Variants in VWA3A observed in about 807,000 individuals in gnomAD.
The protein encoded by VWA3A is von Willebrand factor A domain containing 3A, also known as von Willebrand factor A domain-containing protein 3A.
Under a neutral mutation model 160.4 loss-of-function variants are expected in VWA3A, and 134 were observed. The observed-to-expected ratio is 0.84, with a 90% CI of 0.73 to 0.96. The LOEUF (loss-of-function observed/expected upper bound fraction) is 0.96. Among genes scored for constraint, VWA3A ranks in the 40% least tolerant of loss-of-function variants. The pLI is 0.00. For missense variants in VWA3A, 1,310 were observed against 1,447.9 expected, an observed-to-expected ratio of 0.90 and a Z score of 1.55; for synonymous variants, 476 against 543.4, an observed-to-expected ratio of 0.88 and a Z score of 1.72.
At chr16:22,112,737 T>TAA (rs142281845) in intron 8 of VWA3A, among the ~76,000 whole-genome samples, 8,262 of 148,488 alleles carry the variant, frequency 0.056, 700 homozygotes, top group East Asian at 0.41. Flanking sequence ...AGTAAAAAGT[T>TAA]AAAAAAAAAA....
At position 22,148,184 on chromosome 16, in the gene VWA3A, C is replaced by G; in HGVS notation, c.2862C>G (p.Thr954=). ...LLSGSRRLFG[T]VLESKVCILL... ...CAGGGAGCCGCCGACTGTTTGGCAC[C>G]GTTTTGGAGAGCAAAGTATGCATAT... Residue 954 remains threonine (T), a synonymous_variant, in exon 28 of 34, where the codon ACC becomes ACG. Transcript: ENST00000389398. 1 of 1,603,188 alleles carries G rather than the reference C, an allele frequency of 6.2e-7. No homozygotes were observed. The highest frequency in any genetic ancestry group is 8.5e-7 in the Non-Finnish European group (1 of 1,175,114).
At chr16:22,121,903 G>A (rs141650040) in intron 14 of VWA3A, among the ~76,000 whole-genome samples, 13 of 152,172 alleles carry the variant, frequency 8.5e-5, no homozygotes, top group East Asian at 1.9e-4. Flanking sequence ...TTATGTCCTC[G>A]CTGTACCTAA....
At chr16:22,114,946 C>T (rs990382689) in intron 8 of VWA3A, among the ~76,000 whole-genome samples, 6 of 152,084 alleles carry the variant, frequency 3.9e-5, no homozygotes, top group Admixed American at 6.6e-5. Flanking sequence ...GCTGGGATTA[C>T]AGGCATGTAC....
intron 12 of VWA3A, 52 bp downstream of exon 12, chr16:22,119,079 G>A: frequency 1.3e-6 from 2 of 1,544,368 alleles, no homozygotes; most frequent in Non-Finnish European, 1.7e-6. Flanking sequence ...GCACTCAGCT[G>A]GCCTCGTTCC....
At chr16:22,123,816 T>A in intron 16 of VWA3A, 109 bp downstream of exon 16, 1 of 1,047,312 alleles carries the variant, frequency 9.5e-7, no homozygotes, top group Admixed American at 2.4e-5. Flanking sequence ...TCACTTAGAT[T>A]AGGGATTAGG....
intron 22 of VWA3A, 132 bp downstream of exon 22, chr16:22,138,644 G>A (rs2046088251): frequency 7.9e-7 from 1 of 1,260,470 alleles, no homozygotes; most frequent in East Asian, 2.5e-5. Context: ...TCCTGTGGGT[G>A]CCTCTTGCCC....
rs1027676988 is a variant in VWA3A at position 22,092,656 on chromosome 16, G to A, written c.14+5G>A. On this transcript the variant is annotated splice_donor_5th_base_variant and intron_variant, in intron 1 of 33. Transcript: ENST00000389398. ...GAAATAAATGAAGAAATACAGGTGAGGGTGAGCATCACAAGGGTTGACAGG... is the reference window on the plus strand; with the variant it reads ...GAAATAAATGAAGAAATACAGGTGAAGGTGAGCATCACAAGGGTTGACAGG... 6.4e-6 allele frequency: 10 copies of A among 1,550,770 alleles called. No homozygotes were observed. The African/African-American group carries it at 1.2e-4, about 19-fold the overall frequency.
In VWA3A at chr16:22,148,163, G is replaced by T. The variant is rs1308409275; in HGVS notation, c.2841G>T (p.Gly947=). ...YVQRLQWLLS[G]SRRLFGTVLE... The stretch of plus-strand genomic sequence containing the variant: ...TCTTCCCCACCTGTCTCGGAGCAGG[G>T]AGCCGCCGACTGTTTGGCACCGTTT... Residue 947 remains glycine (G), a splice_region_variant and synonymous_variant, in exon 28 of 34, where the codon GGG becomes GGT. Transcript: ENST00000389398. 1 of 1,597,596 alleles carries T rather than the reference G, an allele frequency of 6.3e-7. No homozygotes were observed. Among genetic ancestry groups the T allele is most frequent in the African/African-American group, 1.3e-5 (1 of 74,624 alleles).
intron 19 of VWA3A, among the ~76,000 whole-genome samples, 174 bp downstream of exon 19, chr16:22,131,903 C>A (rs1056127849): frequency 6.6e-6 from 1 of 152,170 alleles, no homozygotes. Context: ...TGGAGACCAG[C>A]CTGGGCAATA....
intron 1 of VWA3A, among the ~76,000 whole-genome samples, chr16:22,096,550 T>C (rs1438553259): frequency 6.6e-6 from 1 of 151,972 alleles, no homozygotes; most frequent in Non-Finnish European, 1.5e-5. Flanking sequence ...TTCGAGACCA[T>C]CCAAAGCAAC....
rs543898821 is a variant in VWA3A at position 22,129,916 on chromosome 16, G to A, written c.1653-1289G>A. 9.2e-4 allele frequency among the ~76,000 whole-genome samples: 140 copies of A among 152,154 alleles called. 3 individuals carry two copies. The South Asian group carries it at 0.028, about 30-fold the overall frequency. ...AAAGGAGTACCTGAAGGTCGGGCGCGGTGGCTCACCCCTGTAATCCCAGCA... is the reference window on the plus strand; with the variant it reads ...AAAGGAGTACCTGAAGGTCGGGCGCAGTGGCTCACCCCTGTAATCCCAGCA... On this transcript the variant is annotated intron_variant, in intron 17 of 33. Coordinates refer to ENST00000389398, the MANE Select transcript of VWA3A (RefSeq NM_173615.5).
intron 9 of VWA3A, chr16:22,116,273 A>G (rs970560597): frequency 7.2e-6 from 3 of 414,796 alleles, no homozygotes; most frequent in African/African-American, 6.8e-5. Context: ...AAAGAAAAAG[A>G]AAAGAAGAAG....
chr16:22,128,289 G>A (rs2045887365), intron 17 of VWA3A, among the ~76,000 whole-genome samples: 1 of 152,186 alleles, frequency 6.6e-6, no homozygotes, highest in South Asian at 2.1e-4. Flanking sequence ...AGGAGGAACT[G>A]AAGGGATGTA....
intron 12 of VWA3A, among the ~76,000 whole-genome samples, chr16:22,120,144 G>A (rs1218364429): frequency 6.6e-6 from 1 of 152,066 alleles, no homozygotes; most frequent in Non-Finnish European, 1.5e-5. Context: ...TATAGATGAG[G>A]AAACCAAAGT....
In VWA3A at chr16:22,123,237, A is replaced by G. The variant is rs1598070655; in HGVS notation, c.1437+72A>G. 6.4e-6 allele frequency: 9 copies of G among 1,403,784 alleles called. No homozygotes were observed. The East Asian group carries it at 2.2e-4, about 35-fold the overall frequency. 87.0% of individuals were successfully genotyped at this position (1,403,784 alleles called of 1,614,324 possible). ...GGACGGGAGGAAGGTTCCCTGGGCT[A>G]TGAAGTCACCAAGCCATTGACTCAA... On this transcript the variant is annotated intron_variant, in intron 15 of 33. Transcript: ENST00000389398.
intron 3 of VWA3A, among the ~76,000 whole-genome samples, chr16:22,099,016 A>C (rs2045366997): frequency 6.6e-6 from 1 of 150,502 alleles, no homozygotes; most frequent in Non-Finnish European, 1.5e-5. Context: ...GGATCACTTG[A>C]GCCTGGGAAG....
chr16:22,116,629 A>G, intron 9 of VWA3A, 130 bp from the exon 10 acceptor site: 1 of 722,464 alleles, frequency 1.4e-6, no homozygotes, highest in Non-Finnish European at 2.4e-6. Flanking sequence ...TGCATGCCAC[A>G]TAGGTGACCT....
In VWA3A at chr16:22,140,260, G is replaced by T. The variant is rs746290743; in HGVS notation, c.2383+16G>T. The stretch of plus-strand genomic sequence containing the variant: ...ATCTCACCAGGTAAGGCACCATCAC[G>T]GTCAGGCAGGGTGGAGGGATGTCAC... On this transcript the variant is annotated intron_variant, in intron 23 of 33. Transcript: ENST00000389398. 6.2e-7 allele frequency: 1 copy of T among 1,611,206 alleles called. No individual in the cohort carries two copies. The highest frequency in any genetic ancestry group is 8.5e-7 in the Non-Finnish European group (1 of 1,178,164).
intron 31 of VWA3A, among the ~76,000 whole-genome samples, chr16:22,154,538 A>G (rs1266013065): frequency 1.3e-5 from 2 of 151,726 alleles, no homozygotes; most frequent in African/African-American, 4.8e-5. Flanking sequence ...CATGTTGGCC[A>G]GGCTGGTCTC....
Sources: allele counts gnomAD v4.1 joint callset (sites outside exome capture counted in the v4.1 genomes callset), GRCh38; gene constraint gnomAD v4.1.1; transcripts MANE v1.5; gene names NCBI Gene and HGNC (gene_info 2026-07-23, HGNC 2026-07-21).